The following RBMS3 variants were observed in gnomAD, a reference collection of about 807,000 sequenced individuals.
RBMS3 encodes the protein RNA binding motif single stranded interacting protein 3, also known as RNA-binding motif, single-stranded-interacting protein 3.
In RBMS3, 27 loss-of-function variants were observed where a neutral mutation model predicts 66.8. That is an observed-to-expected ratio of 0.40 (90% CI 0.30 to 0.56). RBMS3 has a LOEUF of 0.56. Among genes scored for constraint, RBMS3 ranks in the 20% least tolerant of loss-of-function variants. The probability of loss-of-function intolerance (pLI) is 0.40; values close to 1 mark genes in which losing one functional copy is unlikely to be tolerated. For synonymous variants in RBMS3, 188 were observed against 183.0 expected (o/e 1.03, Z -0.22); for missense variants, 513 against 549.5 (o/e 0.93, Z 0.66).
intron 12 of RBMS3, among the ~76,000 whole-genome samples, chr3:29,965,194 T>G: frequency 6.6e-6 from 1 of 152,216 alleles, no homozygotes; most frequent in East Asian, 1.9e-4. Flanking sequence ...TATGCAAGTA[T>G]ATTTTTTGAA....
intron 7 of RBMS3, among the ~76,000 whole-genome samples, chr3:29,871,323 T>A (rs1301023370): frequency 6.6e-6 from 1 of 152,122 alleles, no homozygotes; most frequent in Non-Finnish European, 1.5e-5. Context: ...CCACACTGGT[T>A]TCATAAATAA....
intron 3 of RBMS3, among the ~76,000 whole-genome samples, chr3:29,578,790 CTTTTTTTTTTT>C (rs1185861167): frequency 3.0e-5 from 3 of 101,086 alleles, no homozygotes; most frequent in Non-Finnish European, 5.5e-5. Context: ...ATACATGCTT[CTTTTTTTTTTT>C]TTTTTTTTTT....
intron 1 of RBMS3, among the ~76,000 whole-genome samples, chr3:29,406,075 C>T (rs981891594): frequency 6.6e-6 from 1 of 152,130 alleles, no homozygotes; most frequent in Non-Finnish European, 1.5e-5. Flanking sequence ...TTTAACAAAC[C>T]TTAAAGTTAT....
intron 4 of RBMS3, among the ~76,000 whole-genome samples, chr3:29,661,443 AT>A (rs998459415): frequency 9.2e-5 from 14 of 152,130 alleles, no homozygotes; most frequent in African/African-American, 3.4e-4. Context: ...TTTGTATAGT[AT>A]TTTTTTGCCT....
At chr3:29,451,238 T>C (rs2042008661) in intron 2 of RBMS3, among the ~76,000 whole-genome samples, 1 of 152,218 alleles carries the variant, frequency 6.6e-6, no homozygotes, top group Non-Finnish European at 1.5e-5. Flanking sequence ...TGTTAGTACA[T>C]GTTTGTATAT....
At position 29,763,126 on chromosome 3, in the gene RBMS3, T is replaced by C. The variant is rs2149383670; in HGVS notation, c.637+137T>C. On this transcript the variant is annotated intron_variant, in intron 6 of 14. Coordinates refer to ENST00000383767, the MANE Select transcript of RBMS3 (RefSeq NM_001003793.3). ...TTTCTTAATGTGTATTTTCAAATAA[T>C]ACTGTGTAGCAACTCATCTTTCTCA... 11 of 587,722 alleles carry C rather than the reference T, an allele frequency of 1.9e-5. No homozygotes were observed. In the East Asian group the frequency reaches 2.5e-4, roughly 13 times the overall value. The allele number at this position is 587,722 out of a possible 1,614,324, so 36.4% of individuals were successfully genotyped here. A position where few individuals can be genotyped will look rare whatever the true frequency, so the allele number is the denominator to read the frequency against.
intron 4 of RBMS3, among the ~76,000 whole-genome samples, chr3:29,668,163 G>A (rs919191316): frequency 1.3e-5 from 2 of 152,164 alleles, no homozygotes; most frequent in African/African-American, 4.8e-5. Context: ...CTTTAATACA[G>A]GAATTGTTTA....
chr3:29,887,219 C>T (rs2059892947), intron 8 of RBMS3, among the ~76,000 whole-genome samples: 1 of 151,662 alleles, frequency 6.6e-6, no homozygotes, highest in Non-Finnish European at 1.5e-5. Context: ...AAGAGAGAAA[C>T]AAAAGTGACC....
At chr3:29,665,498 TTC>T (rs1355333621) in intron 4 of RBMS3, among the ~76,000 whole-genome samples, 1 of 152,214 alleles carries the variant, frequency 6.6e-6, no homozygotes, top group East Asian at 1.9e-4. Flanking sequence ...TATCTGTCTT[TTC>T]TCCTCCCAGT....
At chr3:29,796,141 C>T (rs1363911099) in intron 6 of RBMS3, among the ~76,000 whole-genome samples, 1 of 152,172 alleles carries the variant, frequency 6.6e-6, no homozygotes, top group South Asian at 2.1e-4. Context: ...GTACACCATA[C>T]TGTAGCGTAT....
chr3:29,326,593 C>T (rs1039700696), intron 1 of RBMS3, among the ~76,000 whole-genome samples: 1 of 151,836 alleles, frequency 6.6e-6, no homozygotes, highest in Non-Finnish European at 1.5e-5. Context: ...TTCCTCACTA[C>T]CTTCTGAGTG....
chr3:29,425,570 G>A (rs2040926745), intron 1 of RBMS3, among the ~76,000 whole-genome samples: 1 of 149,706 alleles, frequency 6.7e-6, no homozygotes. Context: ...CCAAGGTGGT[G>A]GAGGTTGCAG....
intron 3 of RBMS3, among the ~76,000 whole-genome samples, chr3:29,560,650 A>G (rs13070499): frequency 0.25 from 37,560 of 152,182 alleles, 5,701 homozygotes; most frequent in African/African-American, 0.44. Context: ...GAATTAAAGA[A>G]TGTTGTGATT....
intron 2 of RBMS3, among the ~76,000 whole-genome samples, chr3:29,437,441 G>T (rs925233497): frequency 6.6e-6 from 1 of 152,218 alleles, no homozygotes; most frequent in Admixed American, 6.5e-5. Flanking sequence ...TTTTGTTAAT[G>T]TTTTTTATGT....
At chr3:29,362,474 C>T (rs994301798) in intron 1 of RBMS3, among the ~76,000 whole-genome samples, 1 of 152,206 alleles carries the variant, frequency 6.6e-6, no homozygotes, top group East Asian at 1.9e-4. Context: ...GGCTGCCTCC[C>T]AGATAGGCTG....
Position 29,434,828 on chromosome 3 carries a change from G to A in RBMS3, c.161G>A (p.Ser54Asn). ...AGCAACAACAGCAGCAACAACAGCA[G>A]CGGGGAACAGTTGAGTAAAACCAAC... ...SSSNNSSNNS[S>N]GEQLSKTNLY... Residue 54 changes from serine to asparagine, a missense_variant, in exon 2 of 15, where the codon AGC (serine) becomes AAC (asparagine). By Grantham distance (46) the Ser-to-Asn change is conservative (BLOSUM62 1). Transcript: ENST00000383767. The A allele has an allele frequency of 6.2e-7, 1 of 1,614,132 alleles. No individual in the cohort carries two copies. The highest frequency in any genetic ancestry group is 8.5e-7 in the Non-Finnish European group (1 of 1,180,030).
At chr3:29,282,512 C>G (rs2031895243) in intron 1 of RBMS3, among the ~76,000 whole-genome samples, 1 of 152,034 alleles carries the variant, frequency 6.6e-6, no homozygotes, top group Non-Finnish European at 1.5e-5. Flanking sequence ...ATTAGGGGCC[C>G]AGAGGCAAGC....
At chr3:29,321,171 T>C (rs937968785) in intron 1 of RBMS3, among the ~76,000 whole-genome samples, 5 of 152,118 alleles carry the variant, frequency 3.3e-5, no homozygotes. Context: ...TTGCTTTAAG[T>C]GTTTTATTGT....
chr3:29,691,421 T>C (rs1332489291), intron 4 of RBMS3, among the ~76,000 whole-genome samples: 1 of 152,258 alleles, frequency 6.6e-6, no homozygotes, highest in South Asian at 2.1e-4. Context: ...CTTTCTCTGC[T>C]CTAGTATTAA....
Sources: gnomAD v4.1 joint callset for allele counts (sites outside exome capture counted in the v4.1 genomes callset) on GRCh38, gnomAD v4.1.1 for gene constraint, MANE v1.5 for transcripts, NCBI Gene and HGNC (gene_info 2026-07-23, HGNC 2026-07-21) for gene names.